MYH11: variants seen among roughly 807,000 people sequenced by gnomAD.
The protein encoded by MYH11 is myosin-11.
MYH11 carries 80 observed loss-of-function variants against 246.6 expected under a neutral mutation model. The ratio of observed to expected loss-of-function variants is 0.32; its 90% CI spans 0.27 to 0.39. The LOEUF is 0.39. Ranked by LOEUF, MYH11 falls within the 10% of genes least tolerant of loss-of-function variation. The pLI, the probability that MYH11 is intolerant of heterozygous loss-of-function variation, is 1.00. For missense variants in MYH11, 2,158 were observed against 2,546.8 expected (o/e 0.85, Z 3.29); for synonymous variants, 1,071 against 1,015.5 (o/e 1.05, Z -1.04).
intron 9 of MYH11, 69 bp from the exon 10 acceptor site, chr16:15,763,960 C>T: frequency 7.9e-7 from 1 of 1,258,064 alleles, no homozygotes; most frequent in Non-Finnish European, 1.2e-6. Context: ...GTTTTGGAGC[C>T]TAAAGCCACT....
rs2043895594 is a variant in MYH11 at position 15,836,494 on chromosome 16, G to C, written c.345+1414C>G. 2.0e-5 allele frequency among the ~76,000 whole-genome samples: 3 copies of C among 152,126 alleles called. No homozygotes were observed. In the South Asian group the frequency reaches 6.2e-4, roughly 32 times the overall value. ...GGCTCACTGCAACCTCCATCTCCCA[G>C]GTTCAAGCGATTCTCCTGCCTCGGC... is the stretch of plus-strand genomic sequence containing the variant. On this transcript the variant is annotated intron_variant, in intron 2 of 40. Coordinates refer to ENST00000300036, the MANE Select transcript of MYH11 (RefSeq NM_002474.3).
chr16:15,816,793 C>CAAAAA (rs67390477), intron 3 of MYH11, among the ~76,000 whole-genome samples: 6 of 138,474 alleles, frequency 4.3e-5, no homozygotes, highest in African/African-American at 1.5e-4. Flanking sequence ...TGGTAAATAC[C>CAAAAA]AAAAAAAAAA....
At chr16:15,728,100 A>G (rs2040851616) in intron 27 of MYH11, among the ~76,000 whole-genome samples, 1 of 152,028 alleles carries the variant, frequency 6.6e-6, no homozygotes, top group African/African-American at 2.4e-5. Context: ...ATGGTGGCGC[A>G]CGCCTGTAGT....
chr16:15,754,723 G>T (rs1200740095), intron 14 of MYH11, among the ~76,000 whole-genome samples: 2 of 152,212 alleles, frequency 1.3e-5, no homozygotes, highest in Non-Finnish European at 2.9e-5. Context: ...GAGTGCAGTG[G>T]TGCAGTCTCA....
At chr16:15,822,365 G>A (rs1367994671) in intron 3 of MYH11, among the ~76,000 whole-genome samples, 1 of 152,040 alleles carries the variant, frequency 6.6e-6, no homozygotes, top group Non-Finnish European at 1.5e-5. Context: ...TATTTCAGGG[G>A]CTCCAAAGTG....
intron 40 of MYH11, among the ~76,000 whole-genome samples, chr16:15,705,756 C>T (rs892393181): frequency 1.3e-5 from 2 of 151,812 alleles, no homozygotes. Context: ...CTGAGGCGGG[C>T]GGATCATGAG....
At chr16:15,763,741 T>TGCCCCCCCCCCCCCCCCC in intron 10 of MYH11, 55 bp downstream of exon 10, 1 of 646,860 alleles carries the variant, frequency 1.5e-6, no homozygotes, top group Non-Finnish European at 2.9e-6. Context: ...AAATGTCACC[T>TGCCCCCCCCCCCCCCCCC]CCCCCACCCC....
At chr16:15,746,547 G>C (rs1411480753) in intron 19 of MYH11, among the ~76,000 whole-genome samples, 1 of 152,094 alleles carries the variant, frequency 6.6e-6, no homozygotes, top group Non-Finnish European at 1.5e-5. Context: ...TGACACATCA[G>C]GGTCCTACTG....
chr16:15,778,848 C>T lies in MYH11; in HGVS notation c.727-5G>A, dbSNP rs1555566938. 2 of 1,614,010 alleles carry T rather than the reference C, an allele frequency of 1.2e-6. No homozygotes were observed. The highest frequency in any genetic ancestry group is 1.7e-6 in the Non-Finnish European group (2 of 1,179,984). On this transcript the variant is annotated splice_polypyrimidine_tract_variant and splice_region_variant and intron_variant, in intron 6 of 40. Coordinates refer to ENST00000300036, the MANE Select transcript of MYH11 (RefSeq NM_002474.3). Reference sequence around the variant, plus strand: ...GTTGATGCGGATGAATTTGCCCTGCCAACAGGAAAACACAGTTCAGGCTTT... The same window carrying T: ...GTTGATGCGGATGAATTTGCCCTGCTAACAGGAAAACACAGTTCAGGCTTT...
rs216156 is a variant in MYH11 at position 15,823,004 on chromosome 16, A to C, written c.502+251T>G. Among the ~76,000 whole-genome samples the C allele has an allele frequency of 0.53, 80,769 of 152,226 alleles. 24,177 individuals carry two copies. The highest frequency in any genetic ancestry group is 0.82 in the African/African-American group (34,223 of 41,570). ...TTTGCAGACAGCTGGCCCGACGGGG[A>C]CCTTGGGCAGCGAGCCCCGGAGCTG... is the stretch of plus-strand genomic sequence containing the variant. On this transcript the variant is annotated intron_variant, in intron 3 of 40. Coordinates refer to ENST00000300036, the MANE Select transcript of MYH11 (RefSeq NM_002474.3).
rs760584464 is a variant in MYH11 at position 15,720,205 on chromosome 16, G to T, written c.4899C>A (p.Ala1633=). 1.2e-6 allele frequency: 2 copies of T among 1,613,950 alleles called. No individual in the cohort carries two copies. Among genetic ancestry groups the T allele is most frequent in the Non-Finnish European group, 1.7e-6 (2 of 1,180,032 alleles). ...CCTCCCTCCCCTTGATGGCAGAGTC[G>T]GCCTGAAGCTCCAGGTCTTTCAGGT... is the stretch of plus-strand genomic sequence containing the variant. ...EGDLKDLELQ[A]DSAIKGREEA... Residue 1633 remains alanine (A), a synonymous_variant, in exon 34 of 41, where the codon GCC becomes GCA. Transcript: ENST00000300036.
chr16:15,786,845 C>T, intron 4 of MYH11, 113 bp from the exon 5 acceptor site: 6 of 966,092 alleles, frequency 6.2e-6, no homozygotes, highest in East Asian at 2.6e-5. Context: ...GAGGGTGAAA[C>T]AGAGGCTCCC....
intron 11 of MYH11, among the ~76,000 whole-genome samples, chr16:15,760,168 G>A (rs1025565408): frequency 6.6e-6 from 1 of 152,082 alleles, no homozygotes; most frequent in Non-Finnish European, 1.5e-5. Context: ...AATAAATGAG[G>A]GATAAAGAGA....
intron 26 of MYH11, among the ~76,000 whole-genome samples, chr16:15,734,519 T>C (rs2041060157): frequency 6.6e-6 from 1 of 152,128 alleles, no homozygotes; most frequent in Non-Finnish European, 1.5e-5. Context: ...AGGCTGGTCT[T>C]GAACTCCTGA....
Position 15,703,464 on chromosome 16 carries a change from A to G in MYH11, c.*527T>C. 1 of 240,942 alleles carries G rather than the reference A, an allele frequency of 4.2e-6. No individual in the cohort carries two copies. Among genetic ancestry groups the G allele is most frequent in the Non-Finnish European group, 8.2e-6 (1 of 121,992 alleles). The allele number at this position is 240,942 out of a possible 1,614,324, so 14.9% of individuals were successfully genotyped here. On this transcript the variant is annotated 3_prime_UTR_variant, in exon 41 of 41. Transcript: ENST00000300036. Reference sequence around the variant, plus strand: ...CCGGTTACCGTGGATATGTTTTTCTAAAAACTCAGTGTCTGCACAATCCAT... The same window carrying G: ...CCGGTTACCGTGGATATGTTTTTCTGAAAACTCAGTGTCTGCACAATCCAT...
chr16:15,792,894 C>G (rs970722117), intron 4 of MYH11, among the ~76,000 whole-genome samples: 2 of 152,108 alleles, frequency 1.3e-5, no homozygotes, highest in African/African-American at 2.4e-5. Context: ...CATGCCATCA[C>G]GCTCAGCTAA....
chr16:15,758,441 G>A (rs894710248), intron 12 of MYH11, among the ~76,000 whole-genome samples: 4 of 151,952 alleles, frequency 2.6e-5, no homozygotes, highest in Middle Eastern at 3.2e-3. Context: ...AGGCCAAGGC[G>A]GGAGGATCAC....
chr16:15,780,181 A>G (rs1355707646), intron 6 of MYH11, among the ~76,000 whole-genome samples: 3 of 152,142 alleles, frequency 2.0e-5, no homozygotes, highest in Admixed American at 6.5e-5. Context: ...GAATTGGAAC[A>G]TGCAAACGCA....
At chr16:15,764,449 C>G (rs2041937069) in intron 9 of MYH11, among the ~76,000 whole-genome samples, 1 of 151,960 alleles carries the variant, frequency 6.6e-6, no homozygotes, top group African/African-American at 2.4e-5. Context: ...CTTGATACAG[C>G]CTGGGCAATG....
Sources: gnomAD v4.1 joint callset for allele counts (sites outside exome capture counted in the v4.1 genomes callset) on GRCh38, gnomAD v4.1.1 for gene constraint, MANE v1.5 for transcripts, NCBI Gene and HGNC (gene_info 2026-07-23, HGNC 2026-07-21) for gene names.